GRM5: variants seen among roughly 807,000 people sequenced by gnomAD.
The protein encoded by GRM5 is glutamate metabotropic receptor 5.
Under a neutral mutation model 83.1 loss-of-function variants are expected in GRM5, and 19 were observed. The ratio of observed to expected loss-of-function variants is 0.23; its 90% CI spans 0.16 to 0.34. GRM5 has a LOEUF of 0.34. GRM5 is among the 10% of genes least tolerant of loss of function. GRM5 has a pLI of 1.00. For missense variants in GRM5, 1,160 were observed against 1,588.3 expected (o/e 0.73, Z 4.58); for synonymous variants, 675 against 633.6 (o/e 1.07, Z -0.98).
intron 3 of GRM5, among the ~76,000 whole-genome samples, chr11:88,820,855 A>G (rs1312885819): frequency 6.6e-6 from 1 of 152,222 alleles, no homozygotes; most frequent in Non-Finnish European, 1.5e-5. Context: ...GTGAGCACTA[A>G]AAAATAGTTT....
chr11:88,934,754 T>C (rs887413181), intron 2 of GRM5, among the ~76,000 whole-genome samples: 2 of 151,884 alleles, frequency 1.3e-5, no homozygotes, highest in African/African-American at 2.4e-5. Context: ...GTCTAATTCA[T>C]AATGCAATGG....
chr11:88,993,398 G>T (rs1442596707), intron 2 of GRM5, among the ~76,000 whole-genome samples: 3 of 151,864 alleles, frequency 2.0e-5, no homozygotes, highest in Non-Finnish European at 4.4e-5. Flanking sequence ...TTAAAGATTA[G>T]TTGACCATAT....
At chr11:88,529,964 G>C (rs1200047507) in intron 8 of GRM5, among the ~76,000 whole-genome samples, 2 of 151,992 alleles carry the variant, frequency 1.3e-5, no homozygotes, top group Non-Finnish European at 2.9e-5. Flanking sequence ...ATGCTGGTGG[G>C]ACATCCAAGT....
chr11:88,554,054 G>T (rs138577471), intron 8 of GRM5, among the ~76,000 whole-genome samples: 28 of 152,236 alleles, frequency 1.8e-4, no homozygotes, highest in African/African-American at 6.7e-4. Flanking sequence ...TAAAGCAAAA[G>T]AAATTTAATA....
intron 3 of GRM5, among the ~76,000 whole-genome samples, chr11:88,715,911 G>A (rs548555261): frequency 2.0e-5 from 3 of 151,980 alleles, no homozygotes; most frequent in East Asian, 3.9e-4. Context: ...TTGGGTCTGG[G>A]AATTTCTATT....
intron 2 of GRM5, among the ~76,000 whole-genome samples, chr11:88,990,160 T>A (rs1212126331): frequency 7.0e-6 from 1 of 142,700 alleles, no homozygotes; most frequent in Non-Finnish European, 1.5e-5. Flanking sequence ...ATAGATGCAA[T>A]AAAAAATGAT....
intron 2 of GRM5, among the ~76,000 whole-genome samples, chr11:89,042,126 C>CTG (rs1484827108): frequency 6.6e-6 from 1 of 152,092 alleles, no homozygotes; most frequent in Non-Finnish European, 1.5e-5. Flanking sequence ...CTCACTGCAA[C>CTG]CTCCACCTCC....
chr11:89,006,708 T>C (rs575762374), intron 2 of GRM5, among the ~76,000 whole-genome samples: 3 of 152,344 alleles, frequency 2.0e-5, no homozygotes, highest in Admixed American at 2.0e-4. Flanking sequence ...GCTATTTGTA[T>C]TTTGCATATT....
intron 1 of GRM5, among the ~76,000 whole-genome samples, chr11:89,063,286 G>A (rs1368189645): frequency 1.3e-5 from 2 of 152,196 alleles, no homozygotes; most frequent in Non-Finnish European, 2.9e-5. Context: ...CATTGCTCGC[G>A]CCTTTTTCCC....
At chr11:88,653,489 T>C in intron 3 of GRM5, 86 bp from the exon 4 acceptor site, 2 of 823,048 alleles carry the variant, frequency 2.4e-6, no homozygotes, top group Non-Finnish European at 4.0e-6. Context: ...ACAAGATTAG[T>C]CATTAAATGG....
intron 2 of GRM5, among the ~76,000 whole-genome samples, chr11:88,919,484 C>G (rs1268125502): frequency 6.6e-6 from 1 of 150,918 alleles, no homozygotes; most frequent in Non-Finnish European, 1.5e-5. Context: ...CAGGATTGGA[C>G]AGATTATCCA....
Position 88,812,074 on chromosome 11 carries a change from T to C in GRM5, c.911+37832A>G, listed in dbSNP as rs147183722. Among the ~76,000 whole-genome samples the C allele has an allele frequency of 4.5e-3, 692 of 152,284 alleles. 4 individuals carry two copies. The highest frequency in any genetic ancestry group is 0.016 in the African/African-American group (661 of 41,564). ...AAAAGGAAGGTGAAGTTAATTTCCC[T>C]TGCTTCGGAAGTTCTGTTTTATAAG... On this transcript the variant is annotated intron_variant, in intron 3 of 9. Coordinates refer to ENST00000305447, the MANE Select transcript of GRM5 (RefSeq NM_001143831.3).
chr11:89,040,565 G>T (rs181769275), intron 2 of GRM5, among the ~76,000 whole-genome samples: 1 of 152,194 alleles, frequency 6.6e-6, no homozygotes. Flanking sequence ...TTCACACGTG[G>T]TCACATGTGC....
At chr11:88,864,039 G>C (rs541667820) in intron 2 of GRM5, among the ~76,000 whole-genome samples, 6 of 150,024 alleles carry the variant, frequency 4.0e-5, no homozygotes, top group Non-Finnish European at 8.9e-5. Flanking sequence ...CTGTTTTGCT[G>C]TACTAGGAAA....
At chr11:88,641,816 G>A (rs1284905708) in intron 4 of GRM5, among the ~76,000 whole-genome samples, 1 of 152,184 alleles carries the variant, frequency 6.6e-6, no homozygotes, top group Non-Finnish European at 1.5e-5. Context: ...GCTTTGCAAG[G>A]TTCAACCCAT....
chr11:88,941,542 GGA>G (rs1341969055), intron 2 of GRM5, among the ~76,000 whole-genome samples: 6 of 40,350 alleles, frequency 1.5e-4, no homozygotes, highest in South Asian at 2.4e-3. Context: ...AGGAGGAGGA[GGA>G]GAGAGGAGGA....
At chr11:88,639,809 T>C (rs1404134280) in intron 4 of GRM5, among the ~76,000 whole-genome samples, 2 of 152,172 alleles carry the variant, frequency 1.3e-5, no homozygotes, top group African/African-American at 2.4e-5. Context: ...ATTTTAAGTA[T>C]CTTTAACATA....
At chr11:88,646,633 G>C (rs1270211089) in intron 4 of GRM5, among the ~76,000 whole-genome samples, 1 of 142,950 alleles carries the variant, frequency 7.0e-6, no homozygotes, top group African/African-American at 2.5e-5. Context: ...AGGTAGGATG[G>C]AGAAGGAAGC....
chr11:88,544,471 T>C (rs1942345717), intron 8 of GRM5, among the ~76,000 whole-genome samples: 1 of 152,228 alleles, frequency 6.6e-6, no homozygotes, highest in African/African-American at 2.4e-5. Flanking sequence ...TCTCCGTAAA[T>C]GTGTGCATTG....
Sources: allele counts gnomAD v4.1 joint callset (sites outside exome capture counted in the v4.1 genomes callset), GRCh38; gene constraint gnomAD v4.1.1; transcripts MANE v1.5; gene names NCBI Gene and HGNC (gene_info 2026-07-23, HGNC 2026-07-21).